Variants in KDM6A observed in about 807,000 individuals in gnomAD.
KDM6A encodes the protein lysine demethylase 6A, also known as lysine-specific demethylase 6A.
A neutral mutation model predicts 117.6 loss-of-function variants in KDM6A; 11 were observed. That is an observed-to-expected ratio of 0.09 (90% CI 0.06 to 0.15). The LOEUF (loss-of-function observed/expected upper bound fraction) is 0.15. Among genes scored for constraint, KDM6A ranks in the 10% least tolerant of loss-of-function variants. KDM6A has a pLI of 1.00. For synonymous variants in KDM6A, 384 were observed against 396.1 expected (o/e 0.97, Z 0.36); for missense variants, 799 against 1,077.3 (o/e 0.74, Z 3.62).
At chrX:44,917,184 C>T (rs1183355080) in intron 2 of KDM6A, among the ~76,000 whole-genome samples, 2 of 110,143 alleles carry the variant, frequency 1.8e-5, no homozygotes, top group African/African-American at 6.6e-5. Context: ...GTGCCACCAT[C>T]CCCGGCTAAT....
chrX:44,985,844 C>T, intron 4 of KDM6A, among the ~76,000 whole-genome samples: 1 of 110,747 alleles, frequency 9.0e-6, no homozygotes, highest in Admixed American at 9.5e-5. Context: ...CATCGATGTT[C>T]ATCAGGGATA....
At chrX:45,036,072 G>A (rs927508277) in intron 7 of KDM6A, among the ~76,000 whole-genome samples, 4 of 111,549 alleles carry the variant, frequency 3.6e-5, no homozygotes, top group African/African-American at 9.8e-5. Flanking sequence ...AAAGGATTCC[G>A]GGTTTTAGAA....
chrX:45,099,954 A>T, intron 27 of KDM6A, among the ~76,000 whole-genome samples: 1 of 110,259 alleles, frequency 9.1e-6, no homozygotes, highest in South Asian at 3.9e-4. Flanking sequence ...GAATCACTTG[A>T]ACTCGGGAAG....
intron 4 of KDM6A, among the ~76,000 whole-genome samples, chrX:45,004,990 A>G (rs2041361665): frequency 9.0e-6 from 1 of 110,542 alleles, no homozygotes; most frequent in African/African-American, 3.3e-5. Context: ...AAAATTCTAG[A>G]CTTTGGTTAA....
chrX:45,102,199 A>T (rs1200597758), intron 27 of KDM6A, among the ~76,000 whole-genome samples: 2 of 112,111 alleles, frequency 1.8e-5, no homozygotes, highest in Non-Finnish European at 3.8e-5. Context: ...TGATCACAAG[A>T]ATCACCTGGA....
intron 3 of KDM6A, among the ~76,000 whole-genome samples, chrX:44,974,413 G>A (rs765344535): frequency 5.2e-4 from 58 of 110,752 alleles, no homozygotes; most frequent in African/African-American, 1.6e-3. Context: ...AATCCTCCAC[G>A]AGTTTTGATC....
intron 2 of KDM6A, among the ~76,000 whole-genome samples, chrX:44,914,978 A>G (rs894457618): frequency 1.8e-5 from 2 of 111,379 alleles, no homozygotes; most frequent in African/African-American, 6.5e-5. Flanking sequence ...CTGTCCTGCT[A>G]CATTTACATT....
intron 4 of KDM6A, among the ~76,000 whole-genome samples, chrX:45,000,881 C>T (rs1166588227): frequency 1.8e-5 from 2 of 112,942 alleles, no homozygotes; most frequent in African/African-American, 6.4e-5. Context: ...GGAGGACCAC[C>T]TTAGTGGAAA....
intron 10 of KDM6A, among the ~76,000 whole-genome samples, chrX:45,055,776 A>G (rs2044046084): frequency 9.0e-6 from 1 of 111,499 alleles, no homozygotes; most frequent in African/African-American, 3.3e-5. Flanking sequence ...TATATATGAA[A>G]ATTTCTTTTA....
Position 44,873,527 on chromosome X carries a change from G to C in KDM6A, c.-25G>C, listed in dbSNP as rs192826885. 1,139 of 1,207,458 alleles carry C rather than the reference G, an allele frequency of 9.4e-4. 14 individuals are homozygous for C. In the African/African-American group the frequency reaches 0.019, roughly 20 times the overall value. ...CGGTCCGAGGGGGGGTGTCGGCGTT[G>C]GAGTTGTGAATTCGCTGCGTTTCCA... On this transcript the variant is annotated 5_prime_UTR_variant, in exon 1 of 30. Transcript: ENST00000611820.
At chrX:45,005,694 CTT>C (rs2041405262) in intron 4 of KDM6A, among the ~76,000 whole-genome samples, 1 of 110,627 alleles carries the variant, frequency 9.0e-6, no homozygotes, top group Admixed American at 9.6e-5. Context: ...GGGGGGATAT[CTT>C]TGTTACCATC....
chrX:45,092,417 C>T (rs748765851), intron 27 of KDM6A, among the ~76,000 whole-genome samples: 1 of 111,793 alleles, frequency 8.9e-6, no homozygotes, highest in Non-Finnish European at 1.9e-5. Context: ...TGTGGTCATC[C>T]AGTGACTTCT....
intron 8 of KDM6A, among the ~76,000 whole-genome samples, chrX:45,045,873 A>G (rs2043512566): frequency 9.0e-6 from 1 of 111,400 alleles, no homozygotes; most frequent in Non-Finnish European, 1.9e-5. Flanking sequence ...TCTTTTTGCA[A>G]TATATCCAGA....
At chrX:45,108,561 C>G (rs1312784099) in intron 28 of KDM6A, among the ~76,000 whole-genome samples, 1 of 109,004 alleles carries the variant, frequency 9.2e-6, no homozygotes, top group African/African-American at 3.3e-5. Context: ...GTCAGTGTGG[C>G]GATTCCTCAG....
At chrX:44,896,008 A>G (rs887033142) in intron 2 of KDM6A, among the ~76,000 whole-genome samples, 6 of 109,974 alleles carry the variant, frequency 5.5e-5, no homozygotes, top group Non-Finnish European at 9.5e-5. Flanking sequence ...GTGTTTTACC[A>G]CTTTCAGTTA....
chrX:45,060,138 C>T lies in KDM6A; in HGVS notation c.1311C>T (p.Ala437=). The T allele has an allele frequency of 8.3e-7, 1 of 1,211,715 alleles. No individual in the cohort carries two copies. Among genetic ancestry groups the T allele is most frequent in the Non-Finnish European group, 1.1e-6 (1 of 895,475 alleles). Reference sequence around the variant, plus strand: ...CAGAGCTTACCTCCAGGCAGGGTGCCATGAACACAGCACAGCAGGTGAGAA... The same window carrying T: ...CAGAGCTTACCTCCAGGCAGGGTGCTATGAACACAGCACAGCAGGTGAGAA... ...IPAELTSRQG[A]MNTAQQACKP... is the part of the protein sequence containing the mutation. The change falls in exon 13 of 30, where the codon GCC becomes GCT. Residue 437 remains alanine, a synonymous_variant. Coordinates refer to ENST00000611820, the MANE Select transcript of KDM6A (RefSeq NM_001291415.2).
chrX:44,942,893 A>G (rs1170584062), intron 2 of KDM6A, among the ~76,000 whole-genome samples: 1 of 110,785 alleles, frequency 9.0e-6, no homozygotes, highest in East Asian at 2.8e-4. Flanking sequence ...TGAATATTAC[A>G]CTTATCGGTT....
intron 27 of KDM6A, among the ~76,000 whole-genome samples, chrX:45,098,994 G>C (rs2046223928): frequency 8.9e-6 from 1 of 112,047 alleles, no homozygotes; most frequent in South Asian, 3.7e-4. Flanking sequence ...AGTTGAAAGA[G>C]TAGTACAGCG....
chrX:44,964,809 G>T (rs1602370720), intron 3 of KDM6A, among the ~76,000 whole-genome samples: 1 of 111,698 alleles, frequency 9.0e-6, no homozygotes, highest in African/African-American at 3.2e-5. Flanking sequence ...CCACTTAAAG[G>T]CACCACCAGC....
Sources: gnomAD v4.1 joint callset for allele counts (sites outside exome capture counted in the v4.1 genomes callset) on GRCh38, gnomAD v4.1.1 for gene constraint, MANE v1.5 for transcripts, NCBI Gene and HGNC (gene_info 2026-07-23, HGNC 2026-07-21) for gene names.